SBF2: variants seen among roughly 807,000 people sequenced by gnomAD.
SBF2 encodes the protein myotubularin-related protein 13.
In SBF2, 112 loss-of-function variants were observed where a neutral mutation model predicts 225.2. The observed-to-expected ratio is 0.50, with a 90% CI of 0.43 to 0.58. The LOEUF is 0.58. Ranked by LOEUF, SBF2 falls within the 20% of genes least tolerant of loss-of-function variation. The pLI is 0.00. For missense variants in SBF2, 1,996 were observed against 2,206.2 expected (o/e 0.90, Z 1.91); for synonymous variants, 763 against 773.3 (o/e 0.99, Z 0.22).
intron 1 of SBF2, among the ~76,000 whole-genome samples, chr11:10,257,771 T>C (rs1366597374): frequency 7.1e-6 from 1 of 141,164 alleles, no homozygotes; most frequent in African/African-American, 2.7e-5. Flanking sequence ...CCGAGGTGGG[T>C]GGATCACTTG....
chr11:10,276,830 A>T (rs1218208230), intron 1 of SBF2, among the ~76,000 whole-genome samples: 1 of 152,226 alleles, frequency 6.6e-6, no homozygotes, highest in Non-Finnish European at 1.5e-5. Context: ...AGATCCCAAG[A>T]AAGTATCTAC....
At chr11:9,908,614 G>C (rs1258193226) in intron 16 of SBF2, among the ~76,000 whole-genome samples, 7 of 152,238 alleles carry the variant, frequency 4.6e-5, no homozygotes, top group Non-Finnish European at 7.4e-5. Context: ...GCGACAGAGC[G>C]AGACTCCGTC....
intron 2 of SBF2, among the ~76,000 whole-genome samples, chr11:10,125,228 G>A (rs1317152550): frequency 1.3e-5 from 2 of 150,864 alleles, no homozygotes; most frequent in African/African-American, 4.9e-5. Context: ...GAAACATACT[G>A]TACATCTCAA....
chr11:9,938,927 T>C (rs2134285524), intron 16 of SBF2, among the ~76,000 whole-genome samples: 1 of 152,092 alleles, frequency 6.6e-6, no homozygotes, highest in South Asian at 2.1e-4. Context: ...ATAAATAATG[T>C]ATTTGGGAAA....
In SBF2 at chr11:9,808,120, C is replaced by T. The variant is rs1853955603; in HGVS notation, c.4323G>A (p.Leu1441=). The T allele has an allele frequency of 6.2e-7, 1 of 1,614,050 alleles. No individual in the cohort carries two copies. Among genetic ancestry groups the T allele is most frequent in the Non-Finnish European group, 8.5e-7 (1 of 1,180,028 alleles). The change falls in exon 32 of 40, where the codon TTG becomes TTA. Residue 1441 remains leucine, a synonymous_variant. Coordinates refer to ENST00000256190, the MANE Select transcript of SBF2 (RefSeq NM_030962.4). ...CAAAAGAGAGCCACTCTTTTTCAACCAACATCTGGAAGCCTTCAAGTGTCC... is the reference window on the plus strand; with the variant it reads ...CAAAAGAGAGCCACTCTTTTTCAACTAACATCTGGAAGCCTTCAAGTGTCC... ...FYRTLEGFQM[L]VEKEWLSFGH...
chr11:10,180,084 G>T (rs1194928441), intron 2 of SBF2, among the ~76,000 whole-genome samples: 1 of 151,928 alleles, frequency 6.6e-6, no homozygotes, highest in African/African-American at 2.4e-5. Flanking sequence ...AGTCCTTGTG[G>T]TTTTTATTTT....
intron 1 of SBF2, among the ~76,000 whole-genome samples, chr11:10,233,315 C>G (rs1372813): frequency 0.015 from 2,234 of 151,988 alleles, 52 homozygotes; most frequent in African/African-American, 0.05. Context: ...GTATTATGTT[C>G]TAATCATCAT....
chr11:9,890,080 T>C (rs1298263264), intron 17 of SBF2, among the ~76,000 whole-genome samples: 1 of 152,132 alleles, frequency 6.6e-6, no homozygotes, highest in Non-Finnish European at 1.5e-5. Context: ...ATTTTTGTAT[T>C]TTTAGTAGAG....
intron 28 of SBF2, among the ~76,000 whole-genome samples, chr11:9,827,803 T>C (rs1855157692): frequency 6.6e-6 from 1 of 152,226 alleles, no homozygotes; most frequent in South Asian, 2.1e-4. Flanking sequence ...ACTTCTGTGA[T>C]AGATTGGTCT....
intron 17 of SBF2, among the ~76,000 whole-genome samples, chr11:9,872,871 G>T (rs1032333479): frequency 3.3e-5 from 5 of 152,104 alleles, no homozygotes; most frequent in African/African-American, 1.2e-4. Context: ...TCTGAATTCA[G>T]AGTTCAACAT....
At chr11:10,094,270 C>A (rs1224223151) in intron 2 of SBF2, among the ~76,000 whole-genome samples, 2 of 152,094 alleles carry the variant, frequency 1.3e-5, no homozygotes, top group Non-Finnish European at 2.9e-5. Context: ...TGGCAGTGAG[C>A]TGAGATGGTG....
At chr11:9,812,755 A>G in intron 29 of SBF2, 47 bp from the exon 30 acceptor site, 1 of 1,594,334 alleles carries the variant, frequency 6.3e-7, no homozygotes, top group Non-Finnish European at 8.6e-7. Flanking sequence ...TGCTATAGGT[A>G]AAAGAGTGAT....
chr11:9,831,023 G>A (rs1258477388), intron 27 of SBF2, among the ~76,000 whole-genome samples: 1 of 152,002 alleles, frequency 6.6e-6, no homozygotes, highest in Non-Finnish European at 1.5e-5. Context: ...TTTTGAGACA[G>A]GGTCTTATTC....
intron 6 of SBF2, among the ~76,000 whole-genome samples, chr11:10,007,624 C>T (rs1948253794): frequency 6.6e-6 from 1 of 152,070 alleles, no homozygotes. Context: ...TCAGGCAGCC[C>T]CCTCTGGCTG....
At chr11:9,967,967 C>CTATATA (rs1158496220) in intron 14 of SBF2, among the ~76,000 whole-genome samples, 1 of 90,674 alleles carries the variant, frequency 1.1e-5, no homozygotes, top group African/African-American at 3.5e-5. Flanking sequence ...CTCTCTCTCT[C>CTATATA]TCTCTATATA....
chr11:9,982,921 T>C (rs981944353), intron 13 of SBF2, among the ~76,000 whole-genome samples: 1 of 152,182 alleles, frequency 6.6e-6, no homozygotes, highest in Non-Finnish European at 1.5e-5. Context: ...AGAAAGGCCC[T>C]GGGAGCTTGC....
At chr11:10,036,472 T>A (rs1355582268) in intron 3 of SBF2, among the ~76,000 whole-genome samples, 1 of 152,186 alleles carries the variant, frequency 6.6e-6, no homozygotes, top group African/African-American at 2.4e-5. Context: ...CTGCGGGACA[T>A]AATTTAAAGT....
chr11:9,963,943 A>C (rs1866741587), intron 14 of SBF2, 61 bp from the exon 15 acceptor site: 3 of 956,426 alleles, frequency 3.1e-6, no homozygotes, highest in Non-Finnish European at 4.9e-6. Flanking sequence ...TTACAAAAGC[A>C]AAGAGACTAC....
chr11:9,916,237 G>A (rs1863081568), intron 16 of SBF2, among the ~76,000 whole-genome samples: 1 of 152,100 alleles, frequency 6.6e-6, no homozygotes, highest in South Asian at 2.1e-4. Context: ...ATAAAAAGAT[G>A]ATAATAGAAG....
Sources: allele counts gnomAD v4.1 joint callset (sites outside exome capture counted in the v4.1 genomes callset), GRCh38; gene constraint gnomAD v4.1.1; transcripts MANE v1.5; gene names NCBI Gene and HGNC (gene_info 2026-07-23, HGNC 2026-07-21).